CUL2: variants seen among roughly 807,000 people sequenced by gnomAD.
CUL2 encodes the protein cullin-2.
In CUL2, 22 loss-of-function variants were observed where a neutral mutation model predicts 110.2. That is an observed-to-expected ratio of 0.20 (90% confidence interval 0.14 to 0.28). The LOEUF is 0.28. Among genes scored for constraint, CUL2 ranks in the 10% least tolerant of loss-of-function variants. The pLI is 1.00. For missense variants in CUL2, 631 were observed against 905.5 expected (o/e 0.70, Z 3.89); for synonymous variants, 279 against 293.2 (o/e 0.95, Z 0.49).
intron 17 of CUL2, 121 bp downstream of exon 17, chr10:35,025,011 G>C: frequency 7.7e-7 from 1 of 1,291,278 alleles, no homozygotes; most frequent in Non-Finnish European, 9.9e-7. Flanking sequence ...GCTTTAATGG[G>C]GAAAGGTTGA....
intron 1 of CUL2, among the ~76,000 whole-genome samples, chr10:35,117,864 ACTGT>A (rs2087627868): frequency 6.6e-6 from 1 of 152,208 alleles, no homozygotes. Context: ...GCTTTAAAAA[ACTGT>A]CTTTGTTTTC....
At chr10:35,020,983 A>G (rs1233560665) in intron 17 of CUL2, among the ~76,000 whole-genome samples, 1 of 147,692 alleles carries the variant, frequency 6.8e-6, no homozygotes, top group Non-Finnish European at 1.5e-5. Flanking sequence ...TTTTTTTTCA[A>G]GACAGGGTCT....
rs1015138374 is a variant in CUL2 at position 35,011,759 on chromosome 10, C to T, written c.2106+89G>A. 7.4e-6 allele frequency: 5 copies of T among 675,548 alleles called. No homozygotes were observed. The Admixed American group carries it at 1.2e-4, about 16-fold the overall frequency. The allele number at this position is 675,548 out of a possible 1,614,324, so 41.8% of individuals were successfully genotyped here. A position where few individuals can be genotyped will look rare whatever the true frequency, so the allele number is the denominator to read the frequency against. Reference sequence around the variant, plus strand: ...ATGCTATCTGAGGATCAGGTTATTTCTGTATCCTCTTTAAGAAGAAAGAGA... The same window carrying T: ...ATGCTATCTGAGGATCAGGTTATTTTTGTATCCTCTTTAAGAAGAAAGAGA... On this transcript the variant is annotated intron_variant, in intron 20 of 20. Coordinates refer to ENST00000374749, the MANE Select transcript of CUL2 (RefSeq NM_003591.4).
Position 35,032,296 on chromosome 10 carries a change from A to G in CUL2, c.1170+139T>C. 7 of 691,614 alleles carry G rather than the reference A, an allele frequency of 1.0e-5. No homozygotes were observed. In the Admixed American group the frequency reaches 2.0e-4, roughly 20 times the overall value. 42.8% of individuals were successfully genotyped at this position (691,614 alleles called of 1,614,324 possible). ...ATATTGCATTCCTTACATAAATGCC[A>G]AACTATATACAATGTAGATAATTTT... On this transcript the variant is annotated intron_variant, in intron 12 of 20. Transcript: ENST00000374749.
intron 20 of CUL2, among the ~76,000 whole-genome samples, chr10:35,011,608 ACT>A (rs1243733789): frequency 6.6e-6 from 1 of 151,970 alleles, no homozygotes; most frequent in African/African-American, 2.4e-5. Context: ...ACAGAGCAAG[ACT>A]CTGTCTCAAC....
At chr10:35,076,768 G>A (rs1236876380) in intron 1 of CUL2, among the ~76,000 whole-genome samples, 3 of 151,980 alleles carry the variant, frequency 2.0e-5, no homozygotes, top group African/African-American at 7.3e-5. Flanking sequence ...GTATATTTGT[G>A]GCCAGGCACG....
intron 2 of CUL2, among the ~76,000 whole-genome samples, chr10:35,096,680 C>CA (rs1351236596): frequency 6.6e-6 from 1 of 152,054 alleles, no homozygotes; most frequent in Non-Finnish European, 1.5e-5. Context: ...CAAAACAAAA[C>CA]AAAATCTGCT....
At chr10:35,122,902 A>C (rs1016336079) in intron 1 of CUL2, among the ~76,000 whole-genome samples, 4 of 152,192 alleles carry the variant, frequency 2.6e-5, no homozygotes, top group Non-Finnish European at 5.9e-5. Flanking sequence ...TCAGCCTCCC[A>C]ATGTGCTAGA....
intron 11 of CUL2, among the ~76,000 whole-genome samples, chr10:35,032,768 A>C (rs2085510318): frequency 6.6e-6 from 1 of 152,176 alleles, no homozygotes; most frequent in Non-Finnish European, 1.5e-5. Flanking sequence ...TTAAAAAAAA[A>C]CTTACAATCT....
chr10:35,089,556 G>A (rs924663176), intron 1 of CUL2, among the ~76,000 whole-genome samples: 4 of 152,214 alleles, frequency 2.6e-5, no homozygotes, highest in African/African-American at 9.6e-5. Context: ...ATGGGGCAAA[G>A]ATGTGGACTT....
intron 16 of CUL2, among the ~76,000 whole-genome samples, chr10:35,026,171 T>C (rs2085331551): frequency 6.6e-6 from 1 of 152,198 alleles, no homozygotes; most frequent in Non-Finnish European, 1.5e-5. Context: ...CCTCTAATGG[T>C]GCAGCATCCT....
At chr10:35,100,777 A>AAAAAAAAAAAAAAAAAAAAAAAAAAAT in intron 2 of CUL2, 1 of 151,350 alleles carries the variant, frequency 6.6e-6, no homozygotes. Context: ...AAAAAAAAAA[A>AAAAAAAAAAAAAAAAAAAAAAAAAAAT]AAAGACCCTA....
At chr10:35,046,709 T>C (rs372387039) in intron 6 of CUL2, among the ~76,000 whole-genome samples, 5 of 152,048 alleles carry the variant, frequency 3.3e-5, no homozygotes, top group African/African-American at 9.7e-5. Flanking sequence ...CTGGCCAACA[T>C]GGTGAAATCC....
In CUL2 at chr10:35,108,693, T is replaced by C. The variant is rs374581051; in HGVS notation, c.-50-7633A>G. 5.3e-5 allele frequency among the ~76,000 whole-genome samples: 8 copies of C among 152,254 alleles called. No homozygotes were observed. The South Asian group carries it at 1.7e-3, about 32-fold the overall frequency. ...TTAGCTGAATAGTTCTTTTTCAGGG[T>C]TTCTCATGAGATTTCAGTCAAAGTA... On this transcript the variant is annotated intron_variant, in intron 1 of 5. Coordinates refer to the CUL2 transcript ENST00000685421.
intron 16 of CUL2, 69 bp from the exon 17 acceptor site, chr10:35,025,267 A>G: frequency 1.3e-6 from 2 of 1,489,040 alleles, no homozygotes; most frequent in Non-Finnish European, 1.8e-6. Context: ...TTAACACAAT[A>G]CTACAAAAGC....
intron 9 of CUL2, among the ~76,000 whole-genome samples, chr10:35,036,855 TC>T (rs1433652955): frequency 6.6e-6 from 1 of 152,008 alleles, no homozygotes; most frequent in Non-Finnish European, 1.5e-5. Context: ...CACCTCAGCC[TC>T]CCAAGTAGAT....
intron 8 of CUL2, among the ~76,000 whole-genome samples, chr10:35,041,369 C>T (rs2085782725): frequency 1.3e-5 from 2 of 152,120 alleles, no homozygotes; most frequent in African/African-American, 4.8e-5. Flanking sequence ...GGGCTTCAAA[C>T]AGCTGTAAAA....
chr10:35,067,828 C>T (rs574409035), intron 2 of CUL2, among the ~76,000 whole-genome samples: 42 of 151,920 alleles, frequency 2.8e-4, no homozygotes, highest in Non-Finnish European at 4.6e-4. Context: ...CACAAAAGGG[C>T]CGGACGTGGT....
Position 35,010,058 on chromosome 10 carries a change from A to G in CUL2, c.*253T>C, listed in dbSNP as rs1481003012. 3 of 225,256 alleles carry G rather than the reference A, an allele frequency of 1.3e-5. No individual in the cohort carries two copies. The highest frequency in any genetic ancestry group is 2.3e-5 in the African/African-American group (1 of 43,978). 14.0% of individuals were successfully genotyped at this position (225,256 alleles called of 1,614,324 possible). ...GAGAAAAAGCATGGTACCCAACCGAATTTCCACTTTTCAGCAATACTTCAC... is the reference window on the plus strand; with the variant it reads ...GAGAAAAAGCATGGTACCCAACCGAGTTTCCACTTTTCAGCAATACTTCAC... On this transcript the variant is annotated 3_prime_UTR_variant, in exon 21 of 21. Coordinates refer to ENST00000374749, the MANE Select transcript of CUL2 (RefSeq NM_003591.4).
Sources: gnomAD v4.1 joint callset for allele counts (sites outside exome capture counted in the v4.1 genomes callset) on GRCh38, gnomAD v4.1.1 for gene constraint, MANE v1.5 for transcripts, NCBI Gene and HGNC (gene_info 2026-07-23, HGNC 2026-07-21) for gene names.